Variants in GPM6A observed in about 807,000 individuals in gnomAD.
The protein encoded by GPM6A is glycoprotein M6A.
GPM6A carries 7 observed loss-of-function variants against 32.1 expected under a neutral mutation model. The observed-to-expected ratio is 0.22, with a 90% confidence interval of 0.12 to 0.41. The LOEUF (loss-of-function observed/expected upper bound fraction) is 0.41, where lower values mean the gene tolerates loss of function less well. GPM6A is among the 10% of genes least tolerant of loss of function. The pLI, the probability that GPM6A is intolerant of heterozygous loss-of-function variation, is 1.00. For synonymous variants in GPM6A, 130 were observed against 123.4 expected (o/e 1.05, Z -0.35); for missense variants, 235 against 347.2 (o/e 0.68, Z 2.57).
intron 1 of GPM6A, among the ~76,000 whole-genome samples, chr4:175,937,611 C>T (rs1446705638): frequency 6.6e-6 from 1 of 151,924 alleles, no homozygotes; most frequent in Non-Finnish European, 1.5e-5. Context: ...TTAAAGTATC[C>T]AGCATGTTGA....
intron 1 of GPM6A, among the ~76,000 whole-genome samples, chr4:175,782,085 A>G (rs1473642657): frequency 6.6e-6 from 1 of 152,152 alleles, no homozygotes; most frequent in African/African-American, 2.4e-5. Context: ...GAATCATGGT[A>G]AGGCTCTGTA....
intron 1 of GPM6A, among the ~76,000 whole-genome samples, chr4:175,729,054 G>T (rs1321499422): frequency 6.6e-6 from 1 of 152,050 alleles, no homozygotes; most frequent in Admixed American, 6.6e-5. Context: ...GTGCTTTACT[G>T]GTTTCCTTAT....
chr4:175,876,155 T>C (rs1035199592), intron 1 of GPM6A, among the ~76,000 whole-genome samples: 2 of 152,174 alleles, frequency 1.3e-5, no homozygotes, highest in African/African-American at 4.8e-5. Context: ...CTATGTAGTT[T>C]GATTCCCATA....
intron 2 of GPM6A, among the ~76,000 whole-genome samples, chr4:175,698,506 C>T (rs765285839): frequency 6.6e-6 from 1 of 152,212 alleles, no homozygotes; most frequent in East Asian, 1.9e-4. Flanking sequence ...TCTGATACCC[C>T]GTAAGGCAGC....
At chr4:175,986,794 A>G (rs1468995306) in intron 1 of GPM6A, among the ~76,000 whole-genome samples, 1 of 152,170 alleles carries the variant, frequency 6.6e-6, no homozygotes, top group Non-Finnish European at 1.5e-5. Flanking sequence ...CTAACATGTC[A>G]TGCAAGAGCC....
At chr4:175,943,535 T>C (rs1739485487) in intron 1 of GPM6A, among the ~76,000 whole-genome samples, 1 of 152,164 alleles carries the variant, frequency 6.6e-6, no homozygotes, top group South Asian at 2.1e-4. Flanking sequence ...GTAGCTCTTA[T>C]TATTTTGAGA....
rs116031089 is a variant in GPM6A, at chr4:175,759,685, T to C, written c.37+52506A>G. Among the ~76,000 whole-genome samples the C allele has an allele frequency of 4.3e-3, 655 of 152,306 alleles. 3 individuals are homozygous for C. The highest frequency in any genetic ancestry group is 6.9e-3 in the Non-Finnish European group (471 of 68,028). The stretch of plus-strand genomic sequence containing the variant: ...ACACTGGGGTTTGTGAAGGGCTAAA[T>C]TGGGACTGTTAATTTGTTTTTATAC... On this transcript the variant is annotated intron_variant, in intron 1 of 6. Coordinates refer to ENST00000393658, the MANE Select transcript of GPM6A (RefSeq NM_201591.3).
intron 1 of GPM6A, among the ~76,000 whole-genome samples, chr4:175,779,714 A>ATATC (rs1220610403): frequency 1.3e-5 from 2 of 152,202 alleles, no homozygotes; most frequent in African/African-American, 4.8e-5. Context: ...AAAAATTAAC[A>ATATC]TATCTGCACT....
Position 175,734,860 on chromosome 4 carries a change from A to G in GPM6A, c.38-33093T>C, listed in dbSNP as rs538414234. Among the ~76,000 whole-genome samples, 7 of 152,278 alleles carry G rather than the reference A, an allele frequency of 4.6e-5. 1 individual carries two copies. The highest frequency in any genetic ancestry group is 1.7e-4 in the African/African-American group (7 of 41,564). On this transcript the variant is annotated intron_variant, in intron 1 of 6. Coordinates refer to ENST00000393658, the MANE Select transcript of GPM6A (RefSeq NM_201591.3). ...TGCACTCCAGCCTGGGCGACAAGAA[A>G]AAAAAATGCTATAATATTTACTTTA...
chr4:175,847,765 A>G (rs1287816591), intron 1 of GPM6A, among the ~76,000 whole-genome samples: 1 of 152,190 alleles, frequency 6.6e-6, no homozygotes, highest in Non-Finnish European at 1.5e-5. Context: ...GAAATTGTGA[A>G]GAAGGAAAAA....
At chr4:175,762,896 C>T (rs1732806256) in intron 1 of GPM6A, among the ~76,000 whole-genome samples, 2 of 152,016 alleles carry the variant, frequency 1.3e-5, no homozygotes, top group East Asian at 1.9e-4. Flanking sequence ...CTCGTGGTTG[C>T]GCGGGACTGG....
At chr4:175,651,093 G>A (rs1372147695) in intron 4 of GPM6A, among the ~76,000 whole-genome samples, 10 of 152,002 alleles carry the variant, frequency 6.6e-5, no homozygotes, top group Admixed American at 4.6e-4. Context: ...TGCGTTGCCC[G>A]TGTTTGAATC....
chr4:175,906,040 G>A (rs573400024), intron 1 of GPM6A, among the ~76,000 whole-genome samples: 1 of 152,150 alleles, frequency 6.6e-6, no homozygotes, highest in African/African-American at 2.4e-5. Flanking sequence ...TTGCAGAATG[G>A]TTTCAATAAG....
rs527877845 is a variant in GPM6A at position 175,949,339 on chromosome 4, G to T, written c.-23+52970C>A. On this transcript the variant is annotated intron_variant, in intron 1 of 7. Transcript: ENST00000280187. ...TTTTTGGTGGTGGTGGTAGAGACAGGGTCTCATGGCTGTGTTGCCCAGGCT... is the reference window on the plus strand; with the variant it reads ...TTTTTGGTGGTGGTGGTAGAGACAGTGTCTCATGGCTGTGTTGCCCAGGCT... 3.9e-5 allele frequency among the ~76,000 whole-genome samples: 6 copies of T among 151,956 alleles called. No individual in the cohort carries two copies. The South Asian group carries it at 1.2e-3, about 32-fold the overall frequency.
intron 4 of GPM6A, 110 bp from the exon 5 acceptor site, chr4:175,640,939 T>C: frequency 5.9e-6 from 4 of 678,786 alleles, no homozygotes; most frequent in South Asian, 1.7e-5. Context: ...TTTTATCTTA[T>C]GTTATGTTAC....
intron 1 of GPM6A, among the ~76,000 whole-genome samples, chr4:175,915,911 G>T (rs897675446): frequency 6.6e-6 from 1 of 152,174 alleles, no homozygotes; most frequent in East Asian, 1.9e-4. Flanking sequence ...CCTTACATTT[G>T]TCATCCTCTG....
chr4:175,923,213 A>ATT (rs1270599280), intron 1 of GPM6A, among the ~76,000 whole-genome samples: 3 of 24,598 alleles, frequency 1.2e-4, no homozygotes, highest in African/African-American at 2.7e-4. Context: ...TCATAACATG[A>ATT]TTTATATATA....
At chr4:175,677,766 T>C (rs1389183385) in intron 2 of GPM6A, among the ~76,000 whole-genome samples, 4 of 152,104 alleles carry the variant, frequency 2.6e-5, no homozygotes, top group African/African-American at 9.7e-5. Flanking sequence ...ATAAATATTT[T>C]AGAAAAGAAC....
rs1738780472 is a variant in GPM6A at position 175,924,833 on chromosome 4, C to A, written c.-23+77476G>T. On this transcript the variant is annotated intron_variant, in intron 1 of 7. Coordinates refer to the GPM6A transcript ENST00000280187. ...CCAGCCTAGGCAACAGAGTGAAAATCTGTCTCAAAAAAAAAAAAAAAAAAA... is the reference window on the plus strand; with the variant it reads ...CCAGCCTAGGCAACAGAGTGAAAATATGTCTCAAAAAAAAAAAAAAAAAAA... Among the ~76,000 whole-genome samples, 5 of 127,600 alleles carry A rather than the reference C, an allele frequency of 3.9e-5. No homozygotes were observed. The East Asian group carries it at 1.1e-3, about 28-fold the overall frequency. The allele number at this position is 127,600 out of a possible 152,430, so 83.7% of individuals were successfully genotyped here.
Sources: gnomAD v4.1 joint callset for allele counts (sites outside exome capture counted in the v4.1 genomes callset) on GRCh38, gnomAD v4.1.1 for gene constraint, MANE v1.5 for transcripts, NCBI Gene and HGNC (gene_info 2026-07-23, HGNC 2026-07-21) for gene names.